AGO4: variants seen among roughly 807,000 people sequenced by gnomAD.
The protein encoded by AGO4 is protein argonaute-4.
AGO4 carries 33 observed loss-of-function variants against 104.7 expected under a neutral mutation model. That is an observed-to-expected ratio of 0.32 (90% confidence interval 0.24 to 0.42). The LOEUF is 0.42. Among genes scored for constraint, AGO4 ranks in the 10% least tolerant of loss-of-function variants. The pLI is 1.00. For missense variants in AGO4, 711 were observed against 1,083.4 expected, an observed-to-expected ratio of 0.66 and a Z score of 4.83; for synonymous variants, 331 against 364.7, an observed-to-expected ratio of 0.91 and a Z score of 1.05.
chr1:35,829,396 TTTAA>T (rs1238586612), intron 7 of AGO4, among the ~76,000 whole-genome samples: 3 of 152,182 alleles, frequency 2.0e-5, no homozygotes, highest in African/African-American at 4.8e-5. Flanking sequence ...CTTTTCATTA[TTTAA>T]TTATTTCACA....
At chr1:35,824,570 G>A (rs929943223) in intron 3 of AGO4, among the ~76,000 whole-genome samples, 18 of 151,544 alleles carry the variant, frequency 1.2e-4, no homozygotes, top group African/African-American at 4.1e-4. Context: ...AGATCGAGGT[G>A]GGAGAATTGC....
At chr1:35,846,562 A>C (rs1199240445) in intron 15 of AGO4, among the ~76,000 whole-genome samples, 1 of 150,882 alleles carries the variant, frequency 6.6e-6, no homozygotes, top group Non-Finnish European at 1.5e-5. Context: ...GCACCACTGC[A>C]CTCCAGCCTG....
chr1:35,844,942 A>T (rs1644531800), intron 15 of AGO4, among the ~76,000 whole-genome samples: 1 of 152,106 alleles, frequency 6.6e-6, no homozygotes, highest in Admixed American at 6.5e-5. Flanking sequence ...GCCTAACTTC[A>T]ATTTCAGTGA....
At chr1:35,851,295 C>A in intron 17 of AGO4, 1 of 520,074 alleles carries the variant, frequency 1.9e-6, no homozygotes, top group Non-Finnish European at 3.4e-6. Flanking sequence ...TGTGGTTCTC[C>A]CATGGAGCCA....
intron 2 of AGO4, among the ~76,000 whole-genome samples, 161 bp downstream of exon 2, chr1:35,817,208 G>A (rs1413456289): frequency 6.6e-6 from 1 of 152,132 alleles, no homozygotes; most frequent in Non-Finnish European, 1.5e-5. Flanking sequence ...GTTATCCTCT[G>A]TAGGCTCTAG....
chr1:35,822,792 G>A (rs564506648), intron 2 of AGO4, 70 bp from the exon 3 acceptor site: 2 of 1,576,098 alleles, frequency 1.3e-6, no homozygotes, highest in Non-Finnish European at 8.7e-7. Flanking sequence ...AATGATTAAA[G>A]TATGATGATG....
rs545838762 is a variant in AGO4, at chr1:35,854,402, A to G, written c.*797A>G. ...AAAAATTGCTTTTAGTATTTTTCCA[A>G]GTTTTCAAAAGTGCCCATTTTATGC... On this transcript the variant is annotated 3_prime_UTR_variant, in exon 18 of 18. Transcript: ENST00000373210. The G allele has an allele frequency of 2.0e-5, 3 of 152,778 alleles. No individual in the cohort carries two copies. The highest frequency in any genetic ancestry group is 6.5e-5 in the Admixed American group (1 of 15,296). 9.5% of individuals were successfully genotyped at this position (152,778 alleles called of 1,614,324 possible).
At chr1:35,848,307 T>C (rs1644620529) in intron 15 of AGO4, among the ~76,000 whole-genome samples, 1 of 152,178 alleles carries the variant, frequency 6.6e-6, no homozygotes, top group Non-Finnish European at 1.5e-5. Flanking sequence ...AGTTTAGGGG[T>C]ATTTGGAGTG....
chr1:35,841,186 T>C lies in AGO4; in HGVS notation c.1746T>C (p.Pro582=), dbSNP rs1278484853. Residue 582 remains proline (P), a synonymous_variant, in exon 14 of 18, where the codon CCT becomes CCC. Transcript: ENST00000373210. This position sits in a 1 kb window ranked among gnomAD's most constrained non-coding sequence, Gnocchi z 4.7. ...GCAGGCCCTCGGTGTTCCAGCAGCC[T>C]GTCATCTTCCTGGGAGCGGATGTCA... ...PHQRPSVFQQ[P]VIFLGADVTH... 6.2e-7 allele frequency: 1 copy of C among 1,610,014 alleles called. No individual in the cohort carries two copies. Among genetic ancestry groups the C allele is most frequent in the Non-Finnish European group, 8.5e-7 (1 of 1,176,466 alleles).
chr1:35,839,421 A>C (rs1644387424), intron 13 of AGO4, among the ~76,000 whole-genome samples: 2 of 152,184 alleles, frequency 1.3e-5, no homozygotes, highest in Admixed American at 1.3e-4. Flanking sequence ...CTTTGGCGTT[A>C]AACTTCTTTG....
intron 1 of AGO4, among the ~76,000 whole-genome samples, chr1:35,811,079 C>T (rs764818593): frequency 9.2e-5 from 14 of 151,746 alleles, no homozygotes; most frequent in African/African-American, 3.1e-4. Flanking sequence ...CTTGAGCCTG[C>T]GAGGCAGAGG....
rs1054255232 is a variant in AGO4 at position 35,830,829 on chromosome 1, A to T, written c.849-598A>T. Among the ~76,000 whole-genome samples, 10 of 151,996 alleles carry T rather than the reference A, an allele frequency of 6.6e-5. No individual in the cohort carries two copies. In the Middle Eastern group the frequency reaches 0.01, roughly 155 times the overall value. ...CATCTCTACTAAAAATACAAAAATT[A>T]TAGGTGGTGGCGCGCACTTGTAATC... On this transcript the variant is annotated intron_variant, in intron 7 of 17. Transcript: ENST00000373210.
chr1:35,815,066 C>T (rs529840424), intron 1 of AGO4, among the ~76,000 whole-genome samples: 46 of 152,078 alleles, frequency 3.0e-4, no homozygotes, highest in Admixed American at 6.5e-4. Context: ...TTAGTAGAGA[C>T]GGGGTTTTAC....
intron 17 of AGO4, 117 bp from the exon 18 acceptor site, chr1:35,853,380 G>C: frequency 1.5e-6 from 1 of 688,658 alleles, no homozygotes; most frequent in Non-Finnish European, 2.4e-6. Context: ...TATTTGAAAC[G>C]TGTGAAGTTT....
In AGO4 at chr1:35,808,202, GT is replaced by G. The variant is rs1643360043; in HGVS notation, c.-210del. 2 of 161,184 alleles carry G rather than the reference GT, an allele frequency of 1.2e-5. No individual in the cohort carries two copies. Among genetic ancestry groups the G allele is most frequent in the Non-Finnish European group, 2.6e-5 (2 of 77,132 alleles). The allele number at this position is 161,184 out of a possible 1,614,324, so 10.0% of individuals were successfully genotyped here. A position where few individuals can be genotyped will look rare whatever the true frequency, so the allele number is the denominator to read the frequency against. On this transcript the variant is annotated 5_prime_UTR_variant, in exon 1 of 18. Transcript: ENST00000373210. The surrounding 1 kb of genome is among the most constrained non-coding windows in gnomAD (Gnocchi z 5.2). ...GGCGGCGGCGGCGGCGGCGGGGATTGTTTTTGTTGTCGCTGAGGCCGGAAGA... is the reference window on the plus strand; with the variant it reads ...GGCGGCGGCGGCGGCGGCGGGGATTGTTTTGTTGTCGCTGAGGCCGGAAGA...
chr1:35,850,793 AAAAAAAC>A (rs1340756658), intron 16 of AGO4, 54 bp from the exon 17 acceptor site: 11 of 1,075,942 alleles, frequency 1.0e-5, no homozygotes, highest in African/African-American at 6.6e-5. Flanking sequence ...AAAAAAAAAA[AAAAAAAC>A]AAAAACAAAA....
Position 35,826,079 on chromosome 1 carries a change from G to A in AGO4, c.760+19G>A, listed in dbSNP as rs369911053. 1.5e-4 allele frequency: 243 copies of A among 1,612,748 alleles called. No individual in the cohort carries two copies. Among genetic ancestry groups the A allele is most frequent in the Non-Finnish European group, 1.8e-4 (214 of 1,179,850 alleles). Reference sequence around the variant, plus strand: ...ATCAGAGGTAAGTGTTTGCATTAATGTAGTCTTGGAGAAGCAGCTCAGCAT... The same window carrying A: ...ATCAGAGGTAAGTGTTTGCATTAATATAGTCTTGGAGAAGCAGCTCAGCAT... On this transcript the variant is annotated intron_variant, in intron 6 of 17. Coordinates refer to ENST00000373210, the MANE Select transcript of AGO4 (RefSeq NM_017629.4).
chr1:35,839,664 T>C (rs1010828525), intron 13 of AGO4, among the ~76,000 whole-genome samples: 4 of 152,128 alleles, frequency 2.6e-5, no homozygotes, highest in Admixed American at 6.5e-5. Flanking sequence ...TCCGCTGTTA[T>C]TAACTTCTCT....
At chr1:35,852,671 A>G (rs1177232555) in intron 17 of AGO4, among the ~76,000 whole-genome samples, 1 of 152,154 alleles carries the variant, frequency 6.6e-6, no homozygotes, top group African/African-American at 2.4e-5. Flanking sequence ...GCTTTCTTGG[A>G]GTTTATATCC....
Sources: gnomAD v4.1 joint callset for allele counts (sites outside exome capture counted in the v4.1 genomes callset) on GRCh38, gnomAD v4.1.1 for gene constraint, Gnocchi (gnomAD v3.1) non-coding constraint, MANE v1.5 for transcripts, NCBI Gene and HGNC (gene_info 2026-07-23, HGNC 2026-07-21) for gene names.